DCAF7: variants seen among roughly 807,000 people sequenced by gnomAD.
DCAF7 encodes DDB1 and CUL4 associated factor 7.
In DCAF7, 4 loss-of-function variants were observed where a neutral mutation model predicts 41.2. The observed-to-expected ratio is 0.10, with a 90% CI of 0.05 to 0.22. DCAF7 has a LOEUF of 0.22. Among genes scored for constraint, DCAF7 ranks in the 10% least tolerant of loss-of-function variants. DCAF7 has a pLI of 1.00. For missense variants in DCAF7, 131 were observed against 443.2 expected (o/e 0.30, Z 6.32); for synonymous variants, 143 against 164.2 (o/e 0.87, Z 0.99).
chr17:63,561,017 C>T (rs991255386), intron 1 of DCAF7, among the ~76,000 whole-genome samples: 16 of 152,200 alleles, frequency 1.1e-4, no homozygotes, highest in African/African-American at 3.9e-4. Context: ...TGCCTGTAAT[C>T]CCAGCACTTT....
chr17:63,578,555 T>G lies in DCAF7; in HGVS notation c.224T>G (p.Met75Arg). The part of the protein sequence containing the change: ...FDHPYPTTKL[M>R]WIPDTKGVYP... ...CACCCATACCCCACCACAAAGCTCA[T>G]GTGGATCCCTGACACAAAAGGCGTC... Residue 75 changes from methionine to arginine, a missense_variant, in exon 2 of 7, where the codon ATG (methionine) becomes AGG (arginine). Coordinates refer to ENST00000614556, the MANE Select transcript of DCAF7 (RefSeq NM_005828.5). 6.2e-7 allele frequency: 1 copy of G among 1,614,010 alleles called. No homozygotes were observed. Among genetic ancestry groups the G allele is most frequent in the Non-Finnish European group, 8.5e-7 (1 of 1,179,876 alleles).
intron 4 of DCAF7, among the ~76,000 whole-genome samples, chr17:63,580,852 G>C (rs911796435): frequency 6.6e-6 from 1 of 152,126 alleles, no homozygotes; most frequent in Non-Finnish European, 1.5e-5. Context: ...ATTCTTCTCA[G>C]TGATTTTGGA....
At chr17:63,576,011 T>C (rs923982966) in intron 1 of DCAF7, among the ~76,000 whole-genome samples, 5 of 152,144 alleles carry the variant, frequency 3.3e-5, no homozygotes, top group African/African-American at 1.2e-4. Flanking sequence ...GGCAAATAAA[T>C]AATGGAACAG....
chr17:63,583,819 TG>T (rs1426466053), intron 5 of DCAF7, 108 bp downstream of exon 5: 4 of 1,115,654 alleles, frequency 3.6e-6, no homozygotes, highest in Non-Finnish European at 5.2e-6. Context: ...GGAGTATCTT[TG>T]GGAATGTCTG....
Position 63,565,007 on chromosome 17 carries a change from A to G in DCAF7, c.139-13463A>G, listed in dbSNP as rs542950972. On this transcript the variant is annotated intron_variant, in intron 1 of 6. Transcript: ENST00000614556. ...GATGAGGAGTTGGGCTCAGTGGCTC[A>G]TGCCTATAATTCCCAGCACTTTGGG... Among the ~76,000 whole-genome samples, 72 of 152,366 alleles carry G rather than the reference A, an allele frequency of 4.7e-4. 1 individual carries two copies. The South Asian group carries it at 0.015, about 31-fold the overall frequency.
chr17:63,583,862 C>T (rs2033650067), intron 5 of DCAF7, among the ~76,000 whole-genome samples, 151 bp downstream of exon 5: 1 of 152,108 alleles, frequency 6.6e-6, no homozygotes. Context: ...GCTCTAGAGA[C>T]GCAGTTGGTA....
intron 1 of DCAF7, among the ~76,000 whole-genome samples, chr17:63,570,311 A>G (rs2033492187): frequency 6.6e-6 from 1 of 152,054 alleles, no homozygotes. Context: ...AAAATTAGCC[A>G]GGCGTGGTGG....
intron 6 of DCAF7, among the ~76,000 whole-genome samples, chr17:63,586,676 C>T (rs573538876): frequency 1.3e-5 from 2 of 151,780 alleles, no homozygotes; most frequent in African/African-American, 4.8e-5. Flanking sequence ...GCAGGAGAAT[C>T]GCTTGAACCT....
chr17:63,579,282 G>T (rs1373960718), intron 2 of DCAF7, 55 bp from the exon 3 acceptor site: 2 of 1,240,336 alleles, frequency 1.6e-6, no homozygotes, highest in South Asian at 1.4e-5. Flanking sequence ...TTTTTTAAAA[G>T]ACTTTTTATG....
In DCAF7 at chr17:63,570,451, C is replaced by CA. The variant is rs200173564; in HGVS notation, c.139-8010dup. ...CCTGGGCAACAGTGAGACTCCGTCT[C>CA]AAAAAAAAAGAAAAAAAAAGATAGG... On this transcript the variant is annotated intron_variant, in intron 1 of 6. Transcript: ENST00000614556. Among the ~76,000 whole-genome samples the CA allele has an allele frequency of 9.8e-3, 1,428 of 146,018 alleles. 21 individuals carry two copies. The highest frequency in any genetic ancestry group is 0.033 in the African/African-American group (1,309 of 39,576).
At chr17:63,561,415 C>T (rs1413621819) in intron 1 of DCAF7, among the ~76,000 whole-genome samples, 1 of 151,922 alleles carries the variant, frequency 6.6e-6, no homozygotes, top group East Asian at 1.9e-4. Flanking sequence ...GTGAAGTAGA[C>T]AAAACAAGGA....
intron 1 of DCAF7, among the ~76,000 whole-genome samples, chr17:63,575,015 G>C (rs1480132009): frequency 2.0e-5 from 3 of 152,092 alleles, no homozygotes; most frequent in African/African-American, 7.2e-5. Context: ...CATAAAACTT[G>C]TGTAGAAATC....
chr17:63,583,897 C>T (rs1402818271), intron 5 of DCAF7, among the ~76,000 whole-genome samples, 186 bp downstream of exon 5: 1 of 152,128 alleles, frequency 6.6e-6, no homozygotes, highest in Non-Finnish European at 1.5e-5. Context: ...GGGTAGAGAC[C>T]AGGGAGGCTG....
rs55923561 is a variant in DCAF7 at position 63,559,439 on chromosome 17, G to A, written c.138+8624G>A. Among the ~76,000 whole-genome samples the A allele has an allele frequency of 3.6e-4, 44 of 122,158 alleles. 2 individuals are homozygous for A. Among genetic ancestry groups the A allele is most frequent in the African/African-American group, 8.7e-4 (25 of 28,872 alleles). 80.1% of individuals were successfully genotyped at this position (122,158 alleles called of 152,430 possible). A position where few individuals can be genotyped will look rare whatever the true frequency, so the allele number is the denominator to read the frequency against. ...TATATACGTATATATATATGTGTGT[G>A]TATATATATATATATATATTTTTAA... On this transcript the variant is annotated intron_variant, in intron 1 of 6. Transcript: ENST00000614556.
chr17:63,577,263 T>C (rs2033572493), intron 1 of DCAF7, among the ~76,000 whole-genome samples: 1 of 152,222 alleles, frequency 6.6e-6, no homozygotes. Flanking sequence ...GGTTTTATTA[T>C]ATGCAACTAT....
At position 63,589,517 on chromosome 17, in the gene DCAF7, G is replaced by C; in HGVS notation, c.*345G>C. ...CTGGCTGTGTCTATTCCTCTGCCCA[G>C]GTGTCTCTGTTTGCTGCCCAAGGCA... is the stretch of plus-strand genomic sequence containing the variant. On this transcript the variant is annotated 3_prime_UTR_variant, in exon 7 of 7. Coordinates refer to ENST00000614556, the MANE Select transcript of DCAF7 (RefSeq NM_005828.5). 1 of 346,970 alleles carries C rather than the reference G, an allele frequency of 2.9e-6. No individual in the cohort carries two copies. The highest frequency in any genetic ancestry group is 5.6e-6 in the Non-Finnish European group (1 of 178,078). The allele number at this position is 346,970 out of a possible 1,614,324, so 21.5% of individuals were successfully genotyped here.
chr17:63,591,281 T>C lies in DCAF7; in HGVS notation c.*2109T>C, dbSNP rs2033730809. 1 of 152,222 alleles carries C rather than the reference T, an allele frequency of 6.6e-6. No homozygotes were observed. The highest frequency in any genetic ancestry group is 6.5e-5 in the Admixed American group (1 of 15,282). The allele number at this position is 152,222 out of a possible 1,614,324, so 9.4% of individuals were successfully genotyped here. A position where few individuals can be genotyped will look rare whatever the true frequency, so the allele number is the denominator to read the frequency against. ...GGCTTACATCCACTGAGTTCTAAGA[T>C]TCCTTTCCTGATCTGCACCTACGCC... On this transcript the variant is annotated 3_prime_UTR_variant, in exon 7 of 7. Transcript: ENST00000614556.
Position 63,594,133 on chromosome 17 carries a change from A to G in DCAF7, c.*4961A>G, listed in dbSNP as rs2033761325. ...TGGGCACCTGAAAGTGGAGTGTTAT[A>G]GCTATGACTTTCTATTTCTTGTTTC... On this transcript the variant is annotated 3_prime_UTR_variant, in exon 7 of 7. Coordinates refer to ENST00000614556, the MANE Select transcript of DCAF7 (RefSeq NM_005828.5). The G allele has an allele frequency of 6.6e-6, 1 of 152,636 alleles. No homozygotes were observed. Among genetic ancestry groups the G allele is most frequent in the African/African-American group, 2.4e-5 (1 of 41,458 alleles). 9.5% of individuals were successfully genotyped at this position (152,636 alleles called of 1,614,324 possible).
At chr17:63,572,474 G>C (rs1299162175) in intron 1 of DCAF7, among the ~76,000 whole-genome samples, 1 of 152,176 alleles carries the variant, frequency 6.6e-6, no homozygotes, top group African/African-American at 2.4e-5. Context: ...GTTAGGGCTG[G>C]GTGGTAGAAA....
Sources: gnomAD v4.1 joint callset for allele counts (sites outside exome capture counted in the v4.1 genomes callset) on GRCh38, gnomAD v4.1.1 for gene constraint, MANE v1.5 for transcripts, NCBI Gene and HGNC (gene_info 2026-07-23, HGNC 2026-07-21) for gene names.